IQCM: variants seen among roughly 807,000 people sequenced by gnomAD.
The protein encoded by IQCM is IQ domain-containing protein M.
Under a neutral mutation model 57.6 loss-of-function variants are expected in IQCM, and 45 were observed. That is an observed-to-expected ratio of 0.78 (90% confidence interval 0.62 to 1.00). The LOEUF (loss-of-function observed/expected upper bound fraction) is 1.00, where lower values mean the gene tolerates loss of function less well. IQCM is among the 50% of genes least tolerant of loss of function. The probability of loss-of-function intolerance (pLI) is 0.00; values close to 1 mark genes in which losing one functional copy is unlikely to be tolerated. For synonymous variants in IQCM, 148 were observed against 158.9 expected (o/e 0.93, Z 0.51); for missense variants, 468 against 511.6 (o/e 0.91, Z 0.82).
At chr4:149,766,749 G>A (rs1770098358) in intron 2 of IQCM, among the ~76,000 whole-genome samples, 1 of 152,092 alleles carries the variant, frequency 6.6e-6, no homozygotes, top group Non-Finnish European at 1.5e-5. Flanking sequence ...ATAACGGGAA[G>A]AATTATTATG....
At chr4:149,492,222 G>A (rs1742168980) in intron 12 of IQCM, among the ~76,000 whole-genome samples, 1 of 151,974 alleles carries the variant, frequency 6.6e-6, no homozygotes, top group Non-Finnish European at 1.5e-5. Flanking sequence ...TACAGTGACT[G>A]CAGCTCTTAA....
intron 12 of IQCM, among the ~76,000 whole-genome samples, chr4:149,510,344 A>G (rs1744279309): frequency 6.6e-6 from 1 of 152,178 alleles, no homozygotes; most frequent in Non-Finnish European, 1.5e-5. Flanking sequence ...ATCAATTTAA[A>G]GAATCTTTGT....
chr4:149,491,580 T>C (rs1742101864), intron 12 of IQCM, among the ~76,000 whole-genome samples: 1 of 152,124 alleles, frequency 6.6e-6, no homozygotes, highest in South Asian at 2.1e-4. Context: ...TTTTTGCAAA[T>C]GGAAGGATTT....
rs1187316872 is a variant in IQCM, at chr4:149,656,289, A to G, written c.565+25829T>C. ...TTGAATAGTTATTGTAACAAAAATA[A>G]AAATATTTTAAATATATTAAATTTC... On this transcript the variant is annotated intron_variant, in intron 7 of 13. Transcript: ENST00000636793. 6.6e-5 allele frequency among the ~76,000 whole-genome samples: 10 copies of G among 152,248 alleles called. No individual in the cohort carries two copies. The East Asian group carries it at 1.5e-3, about 23-fold the overall frequency.
chr4:149,504,019 G>C (rs1743529962), intron 12 of IQCM, among the ~76,000 whole-genome samples: 7 of 151,986 alleles, frequency 4.6e-5, no homozygotes, highest in Admixed American at 4.6e-4. Flanking sequence ...GGAATTTAAA[G>C]TGGTAAGTTT....
At chr4:149,733,190 CAAAT>C (rs1766622202) in intron 5 of IQCM, 50 bp downstream of exon 5, 6 of 1,217,732 alleles carry the variant, frequency 4.9e-6, no homozygotes, top group Non-Finnish European at 6.2e-6. Flanking sequence ...ACATAAGAAA[CAAAT>C]AGTTTTGTCC....
intron 13 of IQCM, among the ~76,000 whole-genome samples, chr4:149,414,632 T>A (rs1272371394): frequency 6.6e-6 from 1 of 152,032 alleles, no homozygotes; most frequent in Non-Finnish European, 1.5e-5. Flanking sequence ...AGTGCCCCCA[T>A]GATAATTTTC....
chr4:149,765,594 T>C (rs1769968851), intron 2 of IQCM, among the ~76,000 whole-genome samples: 1 of 152,046 alleles, frequency 6.6e-6, no homozygotes, highest in Non-Finnish European at 1.5e-5. Flanking sequence ...CCTTGTAAAA[T>C]TAATGAAAGA....
At chr4:149,439,519 T>A (rs553220994) in intron 12 of IQCM, among the ~76,000 whole-genome samples, 5 of 152,118 alleles carry the variant, frequency 3.3e-5, no homozygotes, top group Non-Finnish European at 7.4e-5. Context: ...TTATAAGGAT[T>A]CCTTAGGAGG....
chr4:149,782,886 C>T (rs1418227931), intron 2 of IQCM, among the ~76,000 whole-genome samples: 1 of 152,146 alleles, frequency 6.6e-6, no homozygotes, highest in Non-Finnish European at 1.5e-5. Flanking sequence ...TTTCACCTTC[C>T]ACCCTCACTG....
intron 5 of IQCM, among the ~76,000 whole-genome samples, chr4:149,716,900 G>T (rs768202114): frequency 6.6e-6 from 1 of 152,124 alleles, no homozygotes; most frequent in African/African-American, 2.4e-5. Context: ...ACGTGATGAA[G>T]CCTCCACAAA....
chr4:149,705,713 T>C (rs1291133110), intron 5 of IQCM, among the ~76,000 whole-genome samples: 1 of 151,930 alleles, frequency 6.6e-6, no homozygotes, highest in Non-Finnish European at 1.5e-5. Flanking sequence ...GTAAATATCA[T>C]AGTATTCCTT....
intron 12 of IQCM, among the ~76,000 whole-genome samples, chr4:149,490,220 A>G (rs1330294685): frequency 2.0e-5 from 3 of 152,004 alleles, no homozygotes; most frequent in Non-Finnish European, 4.4e-5. Context: ...CCAGATATAT[A>G]TATATATCTG....
At position 149,592,221 on chromosome 4, in the gene IQCM, T is replaced by C. The variant is rs191403868; in HGVS notation, c.682-4224A>G. On this transcript the variant is annotated intron_variant, in intron 8 of 13. Transcript: ENST00000636793. ...TGATGGCCAGTGATGATGAGCATTTTTTCATATACCTGTTGGCTGCATAAA... is the reference window on the plus strand; with the variant it reads ...TGATGGCCAGTGATGATGAGCATTTCTTCATATACCTGTTGGCTGCATAAA... 4.7e-4 allele frequency among the ~76,000 whole-genome samples: 71 copies of C among 152,342 alleles called. 1 individual carries two copies. Among genetic ancestry groups the C allele is most frequent in the Admixed American group, 7.8e-4 (12 of 15,302 alleles).
At chr4:149,578,127 T>C (rs1479337002) in intron 9 of IQCM, among the ~76,000 whole-genome samples, 2 of 151,792 alleles carry the variant, frequency 1.3e-5, no homozygotes, top group Admixed American at 1.3e-4. Context: ...GCAGAGGCTA[T>C]GGGGTTTTCT....
At chr4:149,640,384 C>T (rs1758081001) in intron 7 of IQCM, among the ~76,000 whole-genome samples, 1 of 152,164 alleles carries the variant, frequency 6.6e-6, no homozygotes, top group Admixed American at 6.5e-5. Flanking sequence ...TTATTCTAAA[C>T]ACAGTAATCA....
At chr4:149,556,436 C>T (rs1397151008) in intron 10 of IQCM, among the ~76,000 whole-genome samples, 1 of 151,478 alleles carries the variant, frequency 6.6e-6, no homozygotes, top group Non-Finnish European at 1.5e-5. Flanking sequence ...CTTTTTTAAA[C>T]TTTGTGTCAT....
chr4:149,644,681 C>T (rs1758491214), intron 7 of IQCM, among the ~76,000 whole-genome samples: 2 of 152,214 alleles, frequency 1.3e-5, no homozygotes, highest in Admixed American at 1.3e-4. Flanking sequence ...AAGAGGTTCT[C>T]TAGGGCTGTG....
intron 8 of IQCM, among the ~76,000 whole-genome samples, chr4:149,592,502 T>C (rs892876344): frequency 2.2e-4 from 33 of 152,014 alleles, no homozygotes; most frequent in African/African-American, 8.0e-4. Context: ...TTGCCATTGC[T>C]TTTGGTGTTT....
Sources: allele counts gnomAD v4.1 joint callset (sites outside exome capture counted in the v4.1 genomes callset), GRCh38; gene constraint gnomAD v4.1.1; transcripts MANE v1.5; gene names NCBI Gene and HGNC (gene_info 2026-07-23, HGNC 2026-07-21).